Variants in PAPPA observed in about 807,000 individuals in gnomAD.
PAPPA encodes the protein pappalysin 1.
PAPPA carries 60 observed loss-of-function variants against 164.0 expected under a neutral mutation model. That is an observed-to-expected ratio of 0.37 (90% CI 0.30 to 0.45). The LOEUF is 0.45. PAPPA is among the 20% of genes least tolerant of loss of function. PAPPA has a pLI of 1.00. For synonymous variants in PAPPA, 875 were observed against 814.1 expected, an observed-to-expected ratio of 1.07 and a Z score of -1.27; for missense variants, 1,782 against 2,087.3, an observed-to-expected ratio of 0.85 and a Z score of 2.85.
Position 116,261,120 on chromosome 9 carries a change from G to A in PAPPA, c.2733-4737G>A, listed in dbSNP as rs182066096. On this transcript the variant is annotated intron_variant, in intron 7 of 21. Transcript: ENST00000328252. ...CATCTCACAAGGAGGATAATTATTCGAGGGATTGTTCTTTTGGTTGAGACT... is the reference window on the plus strand; with the variant it reads ...CATCTCACAAGGAGGATAATTATTCAAGGGATTGTTCTTTTGGTTGAGACT... Among the ~76,000 whole-genome samples, 207 of 152,252 alleles carry A rather than the reference G, an allele frequency of 1.4e-3. 2 individuals carry two copies. Among genetic ancestry groups the A allele is most frequent in the African/African-American group, 4.6e-3 (190 of 41,552 alleles).
chr9:116,348,939 T>C (rs1042841117), intron 15 of PAPPA, among the ~76,000 whole-genome samples: 5 of 152,200 alleles, frequency 3.3e-5, no homozygotes, highest in African/African-American at 1.2e-4. Flanking sequence ...GTCTTTACTA[T>C]TGGAAATAGT....
rs201155352 is a variant in PAPPA at position 116,383,681 on chromosome 9, C to CTGTT, written c.4776+1189_4776+1192dup. Among the ~76,000 whole-genome samples the CTGTT allele has an allele frequency of 8.5e-3, 1,293 of 152,284 alleles. 24 individuals carry two copies. Among genetic ancestry groups the CTGTT allele is most frequent in the African/African-American group, 0.03 (1,243 of 41,548 alleles). On this transcript the variant is annotated intron_variant, in intron 21 of 21. Coordinates refer to ENST00000328252, the MANE Select transcript of PAPPA (RefSeq NM_002581.5). ...CAAGGAACACATTCTAATCAGATGG[C>CTGTT]TGTTAGTTACTGAATCTTTTGGTTG...
At chr9:116,250,014 TG>T (rs1844841667) in intron 7 of PAPPA, among the ~76,000 whole-genome samples, 1 of 28,072 alleles carries the variant, frequency 3.6e-5, no homozygotes, top group African/African-American at 1.2e-4. Flanking sequence ...TACCTGCATA[TG>T]TGTGTGTGTG....
intron 4 of PAPPA, among the ~76,000 whole-genome samples, chr9:116,217,318 C>T (rs531116902): frequency 2.6e-5 from 4 of 152,212 alleles, no homozygotes; most frequent in Admixed American, 1.3e-4. Context: ...TATTTAAATG[C>T]CCCCAATTTA....
At chr9:116,301,769 G>C (rs540970565) in intron 9 of PAPPA, among the ~76,000 whole-genome samples, 1 of 152,136 alleles carries the variant, frequency 6.6e-6, no homozygotes, top group African/African-American at 2.4e-5. Context: ...TAGGGTATCC[G>C]ACAAGCCCTT....
At chr9:116,194,128 T>C (rs984176546) in intron 2 of PAPPA, among the ~76,000 whole-genome samples, 1 of 152,228 alleles carries the variant, frequency 6.6e-6, no homozygotes, top group Non-Finnish European at 1.5e-5. Context: ...CTGTAGACAC[T>C]GAAGACTCGG....
chr9:116,237,794 G>A (rs952043062), intron 7 of PAPPA, among the ~76,000 whole-genome samples: 2 of 150,644 alleles, frequency 1.3e-5, no homozygotes, highest in South Asian at 2.1e-4. Flanking sequence ...ATCTTGGCTC[G>A]CTGCAACCTC....
chr9:116,181,628 G>C (rs1480290342), intron 1 of PAPPA, among the ~76,000 whole-genome samples: 1 of 152,222 alleles, frequency 6.6e-6, no homozygotes, highest in Non-Finnish European at 1.5e-5. Flanking sequence ...AAGGAAAATG[G>C]GAGGCAGCCA....
chr9:116,252,431 A>C (rs1398657696), intron 7 of PAPPA, among the ~76,000 whole-genome samples: 1 of 151,554 alleles, frequency 6.6e-6, no homozygotes, highest in Admixed American at 6.7e-5. Flanking sequence ...CCATTTTCCC[A>C]AAGATTTTTT....
chr9:116,389,743 G>T (rs951138925), intron 21 of PAPPA, among the ~76,000 whole-genome samples: 1 of 150,878 alleles, frequency 6.6e-6, no homozygotes, highest in African/African-American at 2.4e-5. Flanking sequence ...TGTTCTCAAT[G>T]ACTCCAACCC....
chr9:116,296,820 G>A (rs533719030), intron 9 of PAPPA, among the ~76,000 whole-genome samples: 1 of 152,074 alleles, frequency 6.6e-6, no homozygotes, highest in South Asian at 2.1e-4. Context: ...TGTATGCCAA[G>A]CTAAGGAAAA....
chr9:116,333,385 A>G (rs1846018821), intron 12 of PAPPA, among the ~76,000 whole-genome samples: 1 of 152,144 alleles, frequency 6.6e-6, no homozygotes, highest in South Asian at 2.1e-4. Context: ...AGAATTTCCT[A>G]TGACACCTTC....
At chr9:116,262,781 G>A (rs576018326) in intron 7 of PAPPA, among the ~76,000 whole-genome samples, 1 of 152,270 alleles carries the variant, frequency 6.6e-6, no homozygotes, top group East Asian at 1.9e-4. Flanking sequence ...GGTTTTAGGA[G>A]CAGCTGAAAG....
At chr9:116,346,601 C>A (rs59493985) in intron 14 of PAPPA, among the ~76,000 whole-genome samples, 2,675 of 152,264 alleles carry the variant, frequency 0.018, 81 homozygotes, top group African/African-American at 0.061. Flanking sequence ...TACAAATCAA[C>A]ACTTGATGTC....
At chr9:116,160,046 G>A (rs1564170144) in intron 1 of PAPPA, among the ~76,000 whole-genome samples, 1 of 152,184 alleles carries the variant, frequency 6.6e-6, no homozygotes, top group African/African-American at 2.4e-5. Flanking sequence ...GATGTTGTGG[G>A]TCTGGGGTTG....
At chr9:116,298,792 C>T (rs1337873029) in intron 9 of PAPPA, among the ~76,000 whole-genome samples, 1 of 152,024 alleles carries the variant, frequency 6.6e-6, no homozygotes, top group East Asian at 1.9e-4. Flanking sequence ...TCTTAGTATC[C>T]CTCACAGTGA....
intron 7 of PAPPA, among the ~76,000 whole-genome samples, chr9:116,265,518 C>T (rs1477160870): frequency 6.6e-6 from 1 of 152,148 alleles, no homozygotes; most frequent in African/African-American, 2.4e-5. Context: ...TCCTGGATGG[C>T]TTCCTCACAA....
chr9:116,228,126 G>T (rs186062501), intron 6 of PAPPA, among the ~76,000 whole-genome samples: 1 of 152,156 alleles, frequency 6.6e-6, no homozygotes, highest in African/African-American at 2.4e-5. Context: ...TCCCTGCTCA[G>T]GGTTGTCTCT....
rs1471177655 is a variant in PAPPA, at chr9:116,180,177, C to G, written c.416-6977C>G. Among the ~76,000 whole-genome samples, 3 of 152,052 alleles carry G rather than the reference C, an allele frequency of 2.0e-5. No homozygotes were observed. In the South Asian group the frequency reaches 6.2e-4, roughly 32 times the overall value. ...GAAGGGACCTCTGTGACCATGTGGTCTAACACTCTTATATCCTAAGGAAAG... is the reference window on the plus strand; with the variant it reads ...GAAGGGACCTCTGTGACCATGTGGTGTAACACTCTTATATCCTAAGGAAAG... On this transcript the variant is annotated intron_variant, in intron 1 of 21. Coordinates refer to ENST00000328252, the MANE Select transcript of PAPPA (RefSeq NM_002581.5).
Sources: gnomAD v4.1 joint callset for allele counts (sites outside exome capture counted in the v4.1 genomes callset) on GRCh38, gnomAD v4.1.1 for gene constraint, MANE v1.5 for transcripts, NCBI Gene and HGNC (gene_info 2026-07-23, HGNC 2026-07-21) for gene names.